ANKEF1: variants seen among roughly 807,000 people sequenced by gnomAD.
The protein encoded by ANKEF1 is ankyrin repeat and EF-hand domain containing 1, also known as ankyrin repeat and EF-hand domain-containing protein 1.
ANKEF1 carries 43 observed loss-of-function variants against 65.1 expected under a neutral mutation model. The ratio of observed to expected loss-of-function variants is 0.66; its 90% CI spans 0.52 to 0.85. ANKEF1 has a LOEUF of 0.85. Ranked by LOEUF, ANKEF1 falls within the 40% of genes least tolerant of loss-of-function variation. The pLI is 0.00. For synonymous variants in ANKEF1, 316 were observed against 341.5 expected (o/e 0.93, Z 0.82); for missense variants, 934 against 952.9 (o/e 0.98, Z 0.26).
Position 10,048,900 on chromosome 20 carries a change from A to G in ANKEF1, c.821-490A>G, listed in dbSNP as rs1984669975. Among the ~76,000 whole-genome samples the G allele has an allele frequency of 2.0e-5, 3 of 152,206 alleles. No homozygotes were observed. The South Asian group carries it at 6.2e-4, about 31-fold the overall frequency. ...TTAGTATAAATTACATTATTTAATG[A>G]AGAATACGGAAAAAATATACTTAAA... On this transcript the variant is annotated intron_variant, in intron 6 of 10. Transcript: ENST00000378392.
intron 3 of ANKEF1, among the ~76,000 whole-genome samples, chr20:10,041,627 A>G (rs2122230188): frequency 6.6e-6 from 1 of 152,252 alleles, no homozygotes; most frequent in Middle Eastern, 3.4e-3. Flanking sequence ...TCAAATACTT[A>G]TACTATTTCT....
At position 10,057,607 on chromosome 20, in the gene ANKEF1, T is replaced by C. The variant is rs1294341311; in HGVS notation, c.*1947T>C. On this transcript the variant is annotated 3_prime_UTR_variant, in exon 11 of 11. Transcript: ENST00000378392. ...GTCCGTTGAAGACATGATGAAGACA[T>C]GATGTTCTTCACATGATGTTTTCAT... The C allele has an allele frequency of 2.0e-5, 3 of 152,190 alleles. No individual in the cohort carries two copies. The highest frequency in any genetic ancestry group is 2.0e-4 in the Admixed American group (3 of 15,268). The allele number at this position is 152,190 out of a possible 1,614,324, so 9.4% of individuals were successfully genotyped here.
rs900123434 is a variant in ANKEF1, at chr20:10,056,668, A to T, written c.*1008A>T. 6.6e-6 allele frequency: 1 copy of T among 152,082 alleles called. No individual in the cohort carries two copies. The highest frequency in any genetic ancestry group is 2.4e-5 in the African/African-American group (1 of 41,424). 9.4% of individuals were successfully genotyped at this position (152,082 alleles called of 1,614,324 possible). On this transcript the variant is annotated 3_prime_UTR_variant, in exon 11 of 11. Transcript: ENST00000378392. The stretch of plus-strand genomic sequence containing the variant: ...GCTGTCCCTGAAGTCCACAAGTGGA[A>T]TTTCTTCTTCATCATGGAAACCTCA...
At position 10,058,162 on chromosome 20, in the gene ANKEF1, A is replaced by C. The variant is rs575904986; in HGVS notation, c.*2502A>C. ...AGTAAAGCTGCAGTAATAAATCATAACTGCATAAAATTAACTGTAGTACAT... is the reference window on the plus strand; with the variant it reads ...AGTAAAGCTGCAGTAATAAATCATACCTGCATAAAATTAACTGTAGTACAT... On this transcript the variant is annotated 3_prime_UTR_variant, in exon 11 of 11. Coordinates refer to ENST00000378392, the MANE Select transcript of ANKEF1 (RefSeq NM_022096.6). 4 of 152,312 alleles carry C rather than the reference A, an allele frequency of 2.6e-5. No homozygotes were observed. The South Asian group carries it at 6.2e-4, about 24-fold the overall frequency. The allele number at this position is 152,312 out of a possible 1,614,324, so 9.4% of individuals were successfully genotyped here.
chr20:10,038,279 C>A lies in ANKEF1; in HGVS notation c.-23C>A, dbSNP rs770668185. The A allele has an allele frequency of 2.9e-6, 4 of 1,397,460 alleles. No homozygotes were observed. The highest frequency in any genetic ancestry group is 2.6e-5 in the Admixed American group (1 of 39,006). The allele number at this position is 1,397,460 out of a possible 1,614,324, so 86.6% of individuals were successfully genotyped here. A position where few individuals can be genotyped will look rare whatever the true frequency, so the allele number is the denominator to read the frequency against. ...TCAGCTTTAGTTTTGGTCCAGAAAG[C>A]ATTTTCAAGGAGCTGGTCAAGCATG... On this transcript the variant is annotated 5_prime_UTR_variant, in exon 3 of 11. Transcript: ENST00000378392.
At position 10,055,317 on chromosome 20, in the gene ANKEF1, A is replaced by G. The variant is rs1261053047; in HGVS notation, c.2173-185A>G. 2.6e-5 allele frequency among the ~76,000 whole-genome samples: 4 copies of G among 152,086 alleles called. No individual in the cohort carries two copies. The East Asian group carries it at 7.7e-4, about 29-fold the overall frequency. On this transcript the variant is annotated intron_variant, in intron 10 of 10. Transcript: ENST00000378392. Reference sequence around the variant, plus strand: ...CAAAAACAGTGATGCTCGTGCAACCACTAGTGTCATATGAGAGGGGGGGAA... The same window carrying G: ...CAAAAACAGTGATGCTCGTGCAACCGCTAGTGTCATATGAGAGGGGGGGAA...
chr20:10,038,250 TGC>T lies in ANKEF1; in HGVS notation c.-44-7_-44-6del, dbSNP rs1272910605. On this transcript the variant is annotated splice_polypyrimidine_tract_variant and splice_region_variant and intron_variant, in intron 2 of 10. Transcript: ENST00000378392. ...ACTTTGAGTTATTTTTCTTTTTTGT[TGC>T]TTCAGCTTTAGTTTTGGTCCAGAAA... The T allele has an allele frequency of 4.4e-5, 53 of 1,214,662 alleles. No homozygotes were observed. In the East Asian group the frequency reaches 1.3e-3, roughly 29 times the overall value. 75.2% of individuals were successfully genotyped at this position (1,214,662 alleles called of 1,614,324 possible).
At chr20:10,045,446 A>C in intron 5 of ANKEF1, 128 bp from the exon 6 acceptor site, 1 of 935,206 alleles carries the variant, frequency 1.1e-6, no homozygotes, top group Non-Finnish European at 1.6e-6. Flanking sequence ...AGTTCATTTC[A>C]ATTTGAATTT....
At chr20:10,044,912 T>C (rs546361622) in intron 5 of ANKEF1, among the ~76,000 whole-genome samples, 1 of 152,294 alleles carries the variant, frequency 6.6e-6, no homozygotes, top group East Asian at 1.9e-4. Context: ...CATACTCTTA[T>C]CTCCATGGTG....
At position 10,035,050 on chromosome 20, in the gene ANKEF1, C is replaced by G. The variant is rs897065028; in HGVS notation, c.-392C>G. 2 of 153,314 alleles carry G rather than the reference C, an allele frequency of 1.3e-5. No individual in the cohort carries two copies. The highest frequency in any genetic ancestry group is 2.9e-5 in the Non-Finnish European group (2 of 68,852). The allele number at this position is 153,314 out of a possible 1,614,324, so 9.5% of individuals were successfully genotyped here. On this transcript the variant is annotated 5_prime_UTR_variant, in exon 1 of 11. Coordinates refer to ENST00000378392, the MANE Select transcript of ANKEF1 (RefSeq NM_022096.6). ...TCAGCCCGGTCCCTCCGGCTTCCAC[C>G]CCGCCCCCTGCGCTCACCTGCCCGC...
At position 10,056,645 on chromosome 20, in the gene ANKEF1, T is replaced by A. The variant is rs548465509; in HGVS notation, c.*985T>A. The A allele has an allele frequency of 8.5e-5, 13 of 152,242 alleles. No individual in the cohort carries two copies. The East Asian group carries it at 2.5e-3, about 30-fold the overall frequency. 9.4% of individuals were successfully genotyped at this position (152,242 alleles called of 1,614,324 possible). On this transcript the variant is annotated 3_prime_UTR_variant, in exon 11 of 11. Transcript: ENST00000378392. Reference sequence around the variant, plus strand: ...GTGCAGGCTGGAAACATGCAGGAGCTGTCCCTGAAGTCCACAAGTGGAATT... The same window carrying A: ...GTGCAGGCTGGAAACATGCAGGAGCAGTCCCTGAAGTCCACAAGTGGAATT...
At position 10,049,582 on chromosome 20, in the gene ANKEF1, C is replaced by A. The variant is rs781496814; in HGVS notation, c.1013C>A (p.Ala338Asp). The change falls in exon 7 of 11, where the codon GCT becomes GAT. Residue 338 changes from alanine to aspartate, a missense_variant. Transcript: ENST00000378392. ...RLHDWSVERE[A>D]FLREAFAVLD... ...CACGATTGGTCCGTAGAACGTGAGGCTTTCCTCCGGGAAGCCTTTGCGGTT... is the reference window on the plus strand; with the variant it reads ...CACGATTGGTCCGTAGAACGTGAGGATTTCCTCCGGGAAGCCTTTGCGGTT... 3.1e-6 allele frequency: 5 copies of A among 1,614,116 alleles called. No individual in the cohort carries two copies. Among genetic ancestry groups the A allele is most frequent in the Non-Finnish European group, 4.2e-6 (5 of 1,180,020 alleles).
Position 10,038,424 on chromosome 20 carries a change from T to C in ANKEF1, c.123T>C (p.Asn41=). The C allele has an allele frequency of 6.2e-7, 1 of 1,614,124 alleles. No homozygotes were observed. Among genetic ancestry groups the C allele is most frequent in the Non-Finnish European group, 8.5e-7 (1 of 1,179,964 alleles). ...AGCTTGGATACCCTGAACTAATCAA[T>C]TATACAGAACCCATTAATGGACTTA... ...LTKLGYPELI[N]YTEPINGLSA... Residue 41 remains asparagine (N), a synonymous_variant, in exon 3 of 11, where the codon AAT becomes AAC. Coordinates refer to ENST00000378392, the MANE Select transcript of ANKEF1 (RefSeq NM_022096.6).
chr20:10,035,766 C>T (rs1983804826), intron 2 of ANKEF1, 124 bp downstream of exon 2: 1 of 152,230 alleles, frequency 6.6e-6, no homozygotes, highest in Non-Finnish European at 1.5e-5. Flanking sequence ...TTGTCTTCCT[C>T]CATTCCTCTT....
intron 2 of ANKEF1, among the ~76,000 whole-genome samples, chr20:10,036,312 T>C (rs1412948718): frequency 2.0e-5 from 3 of 152,240 alleles, no homozygotes; most frequent in African/African-American, 4.8e-5. Context: ...TCAAGTGGCA[T>C]TGATTCAGTC....
At chr20:10,038,162 ATC>A (rs1983965772) in intron 2 of ANKEF1, 94 bp from the exon 3 acceptor site, 1 of 511,190 alleles carries the variant, frequency 2.0e-6, no homozygotes, top group Non-Finnish European at 3.4e-6. Flanking sequence ...TTAAAAAACA[ATC>A]TCTGTTCTTA....
At position 10,043,838 on chromosome 20, in the gene ANKEF1, T is replaced by A. The variant is rs376501007; in HGVS notation, c.546+517T>A. Reference sequence around the variant, plus strand: ...CATGCCCCGCTAATTATTTTTTGTATTTTTAGTAGAGACAGGGTTTTACCA... The same window carrying A: ...CATGCCCCGCTAATTATTTTTTGTAATTTTAGTAGAGACAGGGTTTTACCA... On this transcript the variant is annotated intron_variant, in intron 4 of 10. Transcript: ENST00000378392. 2.5e-4 allele frequency among the ~76,000 whole-genome samples: 38 copies of A among 151,982 alleles called. 1 individual carries two copies. The East Asian group carries it at 7.2e-3, about 29-fold the overall frequency.
In ANKEF1 at chr20:10,053,263, TAAGA is replaced by T. The variant is rs772836822; in HGVS notation, c.2028_2031del (p.Glu677ArgfsTer27). The T allele has an allele frequency of 6.3e-7, 1 of 1,590,732 alleles. No homozygotes were observed. Among genetic ancestry groups the T allele is most frequent in the East Asian group, 2.2e-5 (1 of 44,758 alleles). ...TACTGAAGACTGAAGGCCCTGAAAT[TAAGA>T]AAGAAGAGGTAAGAAAAATGGTTGA... On this transcript the variant is annotated frameshift_variant, in exon 9 of 11. Coordinates refer to ENST00000378392, the MANE Select transcript of ANKEF1 (RefSeq NM_022096.6). LOFTEE classifies it high-confidence loss of function.
rs1278281659 is a variant in ANKEF1, at chr20:10,056,694, G to T, written c.*1034G>T. 6.6e-6 allele frequency: 1 copy of T among 152,070 alleles called. No individual in the cohort carries two copies. Among genetic ancestry groups the T allele is most frequent in the Non-Finnish European group, 1.5e-5 (1 of 68,024 alleles). The allele number at this position is 152,070 out of a possible 1,614,324, so 9.4% of individuals were successfully genotyped here. On this transcript the variant is annotated 3_prime_UTR_variant, in exon 11 of 11. Coordinates refer to ENST00000378392, the MANE Select transcript of ANKEF1 (RefSeq NM_022096.6). ...TTTCTTCTTCATCATGGAAACCTCA[G>T]TTTTGTTCATACACCTAAATACTTC... is the stretch of plus-strand genomic sequence containing the variant.
Sources: gnomAD v4.1 joint callset for allele counts (sites outside exome capture counted in the v4.1 genomes callset) on GRCh38, gnomAD v4.1.1 for gene constraint, MANE v1.5 for transcripts, NCBI Gene and HGNC (gene_info 2026-07-23, HGNC 2026-07-21) for gene names.